CNTN3: variants seen among roughly 807,000 people sequenced by gnomAD.
The protein encoded by CNTN3 is contactin 3.
A neutral mutation model predicts 119.1 loss-of-function variants in CNTN3; 60 were observed. The ratio of observed to expected loss-of-function variants is 0.50; its 90% CI spans 0.41 to 0.62. The LOEUF (loss-of-function observed/expected upper bound fraction) is 0.62, where lower values mean the gene tolerates loss of function less well. Ranked by LOEUF, CNTN3 falls within the 20% of genes least tolerant of loss-of-function variation. CNTN3 has a pLI of 0.00. For synonymous variants in CNTN3, 450 were observed against 438.7 expected, an observed-to-expected ratio of 1.03 and a Z score of -0.32; for missense variants, 1,101 against 1,242.4, an observed-to-expected ratio of 0.89 and a Z score of 1.71.
chr3:74,397,593 T>C (rs1248296026), intron 5 of CNTN3, among the ~76,000 whole-genome samples: 1 of 152,132 alleles, frequency 6.6e-6, no homozygotes, highest in Non-Finnish European at 1.5e-5. Flanking sequence ...GGCCAATTAA[T>C]AATCCTACAA....
rs145659944 is a variant in CNTN3 at position 74,520,930 on chromosome 3, T to C, written c.55+128A>G. The C allele has an allele frequency of 1.1e-3, 532 of 492,878 alleles. 6 individuals are homozygous for C. The highest frequency in any genetic ancestry group is 9.7e-3 in the African/African-American group (484 of 49,658). The allele number at this position is 492,878 out of a possible 1,614,324, so 30.5% of individuals were successfully genotyped here. On this transcript the variant is annotated intron_variant, in intron 2 of 22. Transcript: ENST00000263665. Reference sequence around the variant, plus strand: ...AGATTAGAGAATTTAAATTTTCCTTTTGGGAGGAAAAACATTTGTTTTTCT... The same window carrying C: ...AGATTAGAGAATTTAAATTTTCCTTCTGGGAGGAAAAACATTTGTTTTTCT...
At chr3:74,545,272 A>G (rs887282479) in intron 1 of CNTN3, among the ~76,000 whole-genome samples, 2 of 152,184 alleles carry the variant, frequency 1.3e-5, no homozygotes, top group African/African-American at 2.4e-5. Context: ...AAAGTCTCCA[A>G]TCTCTGGTGG....
intron 7 of CNTN3, among the ~76,000 whole-genome samples, 161 bp downstream of exon 7, chr3:74,369,728 C>T (rs1483285862): frequency 2.0e-5 from 3 of 151,652 alleles, no homozygotes; most frequent in African/African-American, 7.3e-5. Flanking sequence ...AAGTTTCAAA[C>T]TCAATTTTAT....
chr3:74,267,833 T>A (rs1701693781), intron 20 of CNTN3, among the ~76,000 whole-genome samples: 1 of 152,130 alleles, frequency 6.6e-6, no homozygotes, highest in Non-Finnish European at 1.5e-5. Flanking sequence ...GCGGCGGGAC[T>A]TATTTTGACG....
chr3:74,460,360 T>A (rs1702342430), intron 4 of CNTN3, among the ~76,000 whole-genome samples: 2 of 151,976 alleles, frequency 1.3e-5, no homozygotes, highest in Non-Finnish European at 1.5e-5. Flanking sequence ...AAACTACATA[T>A]CAATTTGAGG....
chr3:74,541,325 C>CA (rs774291205), intron 1 of CNTN3, among the ~76,000 whole-genome samples: 10 of 152,074 alleles, frequency 6.6e-5, no homozygotes, highest in Non-Finnish European at 1.2e-4. Flanking sequence ...TAGCTAATAG[C>CA]AAAAACATAA....
intron 8 of CNTN3, among the ~76,000 whole-genome samples, chr3:74,367,143 C>A (rs1704216388): frequency 6.6e-6 from 1 of 151,736 alleles, no homozygotes; most frequent in Non-Finnish European, 1.5e-5. Context: ...AATATTAGAG[C>A]AGATAACCAG....
intron 4 of CNTN3, among the ~76,000 whole-genome samples, chr3:74,465,689 C>A (rs902612051): frequency 2.0e-5 from 3 of 152,200 alleles, no homozygotes; most frequent in Non-Finnish European, 2.9e-5. Flanking sequence ...CTCTATCTGA[C>A]AACAGCATAT....
intron 1 of CNTN3, among the ~76,000 whole-genome samples, chr3:74,555,168 A>G (rs1304247569): frequency 2.0e-5 from 3 of 152,184 alleles, no homozygotes; most frequent in Admixed American, 2.0e-4. Flanking sequence ...CTATTGAGGT[A>G]ATCATGTGGT....
intron 20 of CNTN3, among the ~76,000 whole-genome samples, chr3:74,269,174 TA>T (rs1219048944): frequency 6.6e-6 from 1 of 152,072 alleles, no homozygotes; most frequent in African/African-American, 2.4e-5. Flanking sequence ...TTTTGCTATT[TA>T]AAAAAATAAC....
intron 19 of CNTN3, among the ~76,000 whole-genome samples, chr3:74,290,489 CA>C (rs1702205856): frequency 6.6e-6 from 1 of 152,186 alleles, no homozygotes; most frequent in Non-Finnish European, 1.5e-5. Context: ...CAACAACCAC[CA>C]GTGACTGCTA....
At chr3:74,604,370 G>C (rs1338253529) in intron 1 of CNTN3, among the ~76,000 whole-genome samples, 2 of 152,020 alleles carry the variant, frequency 1.3e-5, no homozygotes, top group Admixed American at 1.3e-4. Context: ...ACAGGAAGAA[G>C]AGACAATCCA....
At chr3:74,548,904 C>T (rs1703949929) in intron 1 of CNTN3, among the ~76,000 whole-genome samples, 1 of 152,146 alleles carries the variant, frequency 6.6e-6, no homozygotes, top group South Asian at 2.1e-4. Flanking sequence ...CAACAATGTA[C>T]ATTCATGGTC....
chr3:74,609,366 G>T (rs1705043447), intron 1 of CNTN3, among the ~76,000 whole-genome samples: 1 of 152,170 alleles, frequency 6.6e-6, no homozygotes, highest in African/African-American at 2.4e-5. Flanking sequence ...CCTGCATTTA[G>T]GTGAGAAGTA....
At chr3:74,422,592 A>C (rs761450932) in intron 5 of CNTN3, among the ~76,000 whole-genome samples, 8 of 152,204 alleles carry the variant, frequency 5.3e-5, no homozygotes, top group Non-Finnish European at 1.0e-4. Context: ...CACTCTGTGC[A>C]TACTTAGGCA....
chr3:74,476,379 A>G (rs531070313), intron 4 of CNTN3, among the ~76,000 whole-genome samples: 1 of 152,294 alleles, frequency 6.6e-6, no homozygotes, highest in Non-Finnish European at 1.5e-5. Flanking sequence ...TACTAACATA[A>G]GACAGTTCTC....
intron 4 of CNTN3, among the ~76,000 whole-genome samples, chr3:74,436,004 C>A (rs777861435): frequency 1.4e-4 from 21 of 152,174 alleles, no homozygotes; most frequent in Non-Finnish European, 2.1e-4. Flanking sequence ...ACACATATTT[C>A]CCACTGCCAA....
chr3:74,402,607 G>C (rs369357000), intron 5 of CNTN3, among the ~76,000 whole-genome samples: 93 of 152,252 alleles, frequency 6.1e-4, no homozygotes, highest in African/African-American at 2.1e-3. Context: ...TTTTGGCTTT[G>C]AGAATAAGGG....
chr3:74,329,779 T>C (rs1481864540), intron 13 of CNTN3, among the ~76,000 whole-genome samples: 1 of 152,120 alleles, frequency 6.6e-6, no homozygotes, highest in Non-Finnish European at 1.5e-5. Flanking sequence ...TGGAGTAAAA[T>C]TCATTGCTTA....
Sources: gnomAD v4.1 joint callset for allele counts (sites outside exome capture counted in the v4.1 genomes callset) on GRCh38, gnomAD v4.1.1 for gene constraint, MANE v1.5 for transcripts, NCBI Gene and HGNC (gene_info 2026-07-23, HGNC 2026-07-21) for gene names.